The following FYB1 variants were observed in gnomAD, a reference collection of about 807,000 sequenced individuals.
The protein encoded by FYB1 is FYN-binding protein 1.
FYB1 carries 41 observed loss-of-function variants against 94.1 expected under a neutral mutation model. The observed-to-expected ratio is 0.44, with a 90% CI of 0.34 to 0.57. The LOEUF is 0.57. Ranked by LOEUF, FYB1 falls within the 20% of genes least tolerant of loss-of-function variation. The probability of loss-of-function intolerance (pLI) is 0.02; values close to 1 mark genes in which losing one functional copy is unlikely to be tolerated. For synonymous variants in FYB1, 367 were observed against 353.2 expected (o/e 1.04, Z -0.44); for missense variants, 1,050 against 976.8 (o/e 1.07, Z -1.00).
upstream of FYB1, among the ~76,000 whole-genome samples, chr5:39,223,006 C>G (rs1249339449): frequency 6.6e-6 from 1 of 151,980 alleles, no homozygotes; most frequent in Non-Finnish European, 1.5e-5. Context: ...TAATGCATGC[C>G]AGGCTTAATA....
chr5:39,167,078 C>T (rs372083638), intron 2 of FYB1, among the ~76,000 whole-genome samples: 199 of 152,110 alleles, frequency 1.3e-3, no homozygotes, highest in African/African-American at 4.5e-3. Context: ...GCGGTTTTTG[C>T]CATTACTTTT....
intron 6 of FYB1, 121 bp downstream of exon 6, chr5:39,138,536 C>A (rs770703251): frequency 1.3e-5 from 7 of 535,494 alleles, no homozygotes; most frequent in Admixed American, 3.9e-5. Context: ...AGTTATTATA[C>A]GCCAGTCATT....
chr5:39,127,408 G>T (rs1740782213), intron 11 of FYB1, among the ~76,000 whole-genome samples: 1 of 136,504 alleles, frequency 7.3e-6, no homozygotes, highest in African/African-American at 2.8e-5. Flanking sequence ...ATCCACAACT[G>T]CCAGTGCACT....
intron 1 of FYB1, among the ~76,000 whole-genome samples, chr5:39,267,141 G>GA (rs1752467709): frequency 1.3e-5 from 2 of 152,146 alleles, no homozygotes; most frequent in South Asian, 4.1e-4. Flanking sequence ...ATTGTTAGAG[G>GA]AATTTAATGA....
At chr5:39,187,838 G>GT (rs60559853) in intron 2 of FYB1, among the ~76,000 whole-genome samples, 5 of 150,706 alleles carry the variant, frequency 3.3e-5, no homozygotes, top group South Asian at 2.1e-4. Flanking sequence ...GTAGTGCTAA[G>GT]TTTTTTTTTT....
In FYB1 at chr5:39,212,751, T is replaced by C. The variant is rs565623880; in HGVS notation, c.-28+6692A>G. On this transcript the variant is annotated intron_variant, in intron 1 of 18. Coordinates refer to ENST00000512982, the MANE Select transcript of FYB1 (RefSeq NM_001465.6). ...AAATTGTGATGTTTTCAATTTCAAG[T>C]TTTCCATGGTGTTCACCCTGCTCTT... is the stretch of plus-strand genomic sequence containing the variant. 70 of 152,336 alleles carry C rather than the reference T, an allele frequency of 4.6e-4. 1 individual carries two copies. Among genetic ancestry groups the C allele is most frequent in the African/African-American group, 1.6e-3 (66 of 41,580 alleles). The allele number at this position is 152,336 out of a possible 1,614,324, so 9.4% of individuals were successfully genotyped here. A position where few individuals can be genotyped will look rare whatever the true frequency, so the allele number is the denominator to read the frequency against.
At chr5:39,273,243 T>C (rs1178682026) in intron 1 of FYB1, among the ~76,000 whole-genome samples, 2 of 152,254 alleles carry the variant, frequency 1.3e-5, no homozygotes, top group Non-Finnish European at 2.9e-5. Flanking sequence ...GGATGGTTGC[T>C]GTGTCTGTGT....
At chr5:39,249,886 A>G (rs261743) in intron 1 of FYB1, among the ~76,000 whole-genome samples, 135,482 of 152,206 alleles carry the variant, frequency 0.89, 60,337 homozygotes, top group East Asian at 0.93. Context: ...ATCTCATCTC[A>G]AATTGTAATC....
chr5:39,158,471 A>G (rs1163093750), intron 2 of FYB1, among the ~76,000 whole-genome samples: 1 of 152,184 alleles, frequency 6.6e-6, no homozygotes, highest in Non-Finnish European at 1.5e-5. Flanking sequence ...ATTTGAGGGC[A>G]ATGGAAGATG....
rs1322663041 is a variant in FYB1 at position 39,105,787 on chromosome 5, T to C, written c.*1656A>G. The C allele has an allele frequency of 6.6e-6, 1 of 152,222 alleles. No homozygotes were observed. 9.4% of individuals were successfully genotyped at this position (152,222 alleles called of 1,614,324 possible). ...AATCACATGGTCATATACTGGCTAG[T>C]GCTCTCTAAAAGTAGACATTAAAAT... On this transcript the variant is annotated 3_prime_UTR_variant, in exon 19 of 19. Transcript: ENST00000512982.
At chr5:39,273,379 T>C (rs1752716552) in intron 1 of FYB1, among the ~76,000 whole-genome samples, 1 of 152,266 alleles carries the variant, frequency 6.6e-6, no homozygotes, top group South Asian at 2.1e-4. Context: ...CAAGTATATT[T>C]TCATATTTAG....
chr5:39,234,955 T>C (rs1012762088), intron 1 of FYB1, among the ~76,000 whole-genome samples: 6 of 151,872 alleles, frequency 4.0e-5, no homozygotes, highest in Non-Finnish European at 7.4e-5. Flanking sequence ...GCTTAAAACC[T>C]AGATGATGGG....
intron 1 of FYB1, among the ~76,000 whole-genome samples, chr5:39,211,899 T>G (rs1749428319): frequency 6.6e-6 from 1 of 151,172 alleles, no homozygotes; most frequent in African/African-American, 2.4e-5. Flanking sequence ...GAAGTGGGGG[T>G]GGAGGAATGA....
intron 1 of FYB1, among the ~76,000 whole-genome samples, chr5:39,251,116 T>C (rs1751694106): frequency 6.6e-6 from 1 of 152,220 alleles, no homozygotes; most frequent in African/African-American, 2.4e-5. Flanking sequence ...CACTCAAACC[T>C]TGAGTGATTT....
chr5:39,196,039 G>A (rs959767001), intron 2 of FYB1, among the ~76,000 whole-genome samples: 1 of 152,088 alleles, frequency 6.6e-6, no homozygotes, highest in African/African-American at 2.4e-5. Context: ...CTGCAAGATA[G>A]ACCCTCTCTT....
chr5:39,118,777 G>C (rs544520144), intron 16 of FYB1, 97 bp downstream of exon 16: 4 of 709,150 alleles, frequency 5.6e-6, no homozygotes, highest in African/African-American at 3.6e-5. Flanking sequence ...AGATAGATAA[G>C]AGTTAGTAAA....
At chr5:39,211,582 T>C (rs866963229) in intron 1 of FYB1, among the ~76,000 whole-genome samples, 7 of 152,182 alleles carry the variant, frequency 4.6e-5, no homozygotes, top group Non-Finnish European at 7.3e-5. Context: ...GTGCTGGGAT[T>C]ATAAGCGTGA....
chr5:39,265,025 C>G lies in FYB1; in HGVS notation c.-28+9378G>C, dbSNP rs770953860. On this transcript the variant is annotated intron_variant, in intron 1 of 1. Coordinates refer to the FYB1 transcript ENST00000510188. ...CCTGGACCAGCAGCGTCAGCCTCAT[C>G]TGAGAACTTATTAGAAATGCACATT... Among the ~76,000 whole-genome samples, 34 of 152,216 alleles carry G rather than the reference C, an allele frequency of 2.2e-4. 1 individual carries two copies. The highest frequency in any genetic ancestry group is 8.8e-5 in the Non-Finnish European group (6 of 68,046).
intron 3 of FYB1, among the ~76,000 whole-genome samples, chr5:39,143,064 T>C (rs1742324946): frequency 6.6e-6 from 1 of 152,228 alleles, no homozygotes; most frequent in Non-Finnish European, 1.5e-5. Context: ...TTTTCCTAAA[T>C]GGTTTTATGT....
Sources: gnomAD v4.1 joint callset for allele counts (sites outside exome capture counted in the v4.1 genomes callset) on GRCh38, gnomAD v4.1.1 for gene constraint, MANE v1.5 for transcripts, NCBI Gene and HGNC (gene_info 2026-07-23, HGNC 2026-07-21) for gene names.